The following RIN3 variants were observed in gnomAD, a reference collection of about 807,000 sequenced individuals.
RIN3 encodes the protein Ras and Rab interactor 3.
RIN3 carries 54 observed loss-of-function variants against 76.3 expected under a neutral mutation model. The observed-to-expected ratio is 0.71, with a 90% CI of 0.57 to 0.89. RIN3 has a LOEUF of 0.89. Among genes scored for constraint, RIN3 ranks in the 40% least tolerant of loss-of-function variants. The pLI, the probability that RIN3 is intolerant of heterozygous loss-of-function variation, is 0.00. For synonymous variants in RIN3, 576 were observed against 564.0 expected, an observed-to-expected ratio of 1.02 and a Z score of -0.30; for missense variants, 1,256 against 1,322.1, an observed-to-expected ratio of 0.95 and a Z score of 0.78.
chr14:92,637,662 T>A (rs2140127062), intron 4 of RIN3, among the ~76,000 whole-genome samples: 1 of 152,290 alleles, frequency 6.6e-6, no homozygotes, highest in Non-Finnish European at 1.5e-5. Context: ...TTTTAACAAA[T>A]GTTGACAATA....
intron 3 of RIN3, among the ~76,000 whole-genome samples, chr14:92,605,557 G>T (rs115821593): frequency 1.3e-5 from 2 of 152,150 alleles, no homozygotes; most frequent in African/African-American, 4.8e-5. Flanking sequence ...ATTAACAAAC[G>T]CTCACACTTC....
At chr14:92,524,232 A>G (rs990517008) in intron 1 of RIN3, among the ~76,000 whole-genome samples, 3 of 152,160 alleles carry the variant, frequency 2.0e-5, no homozygotes, top group African/African-American at 7.2e-5. Flanking sequence ...CCCGGGGCCC[A>G]GTTTCAACAA....
In RIN3 at chr14:92,534,529, A is replaced by G. The variant is rs1159001518; in HGVS notation, c.44+20553A>G. The stretch of plus-strand genomic sequence containing the variant: ...TGGGAGGCAGAGGTTGCAGTGTTGC[A>G]GTGAGCCAAGATCGTGCCACTGCAC... On this transcript the variant is annotated intron_variant, in intron 1 of 9. Transcript: ENST00000216487. 2.6e-5 allele frequency among the ~76,000 whole-genome samples: 4 copies of G among 151,456 alleles called. No homozygotes were observed. The East Asian group carries it at 7.8e-4, about 29-fold the overall frequency.
rs943981124 is a variant in RIN3, at chr14:92,546,752, G to A, written c.45-8999G>A. Among the ~76,000 whole-genome samples the A allele has an allele frequency of 3.3e-5, 5 of 152,034 alleles. No individual in the cohort carries two copies. In the East Asian group the frequency reaches 9.6e-4, roughly 29 times the overall value. On this transcript the variant is annotated intron_variant, in intron 1 of 9. Transcript: ENST00000216487. ...CCAGCCTCAGACCATTCCTCCTGCT[G>A]TAACAAGTGAGAAGCAGTTGGGGTG...
At chr14:92,544,012 C>G (rs984838001) in intron 1 of RIN3, among the ~76,000 whole-genome samples, 13 of 152,098 alleles carry the variant, frequency 8.5e-5, no homozygotes, top group African/African-American at 2.9e-4. Context: ...GTTCGTGAAG[C>G]CTCCCCACCC....
intron 6 of RIN3, among the ~76,000 whole-genome samples, chr14:92,653,492 ACT>A (rs780820789): frequency 4.0e-5 from 6 of 151,488 alleles, no homozygotes; most frequent in South Asian, 4.2e-4. Context: ...CACTGCGCTC[ACT>A]CTCTGTCTTC....
intron 1 of RIN3, among the ~76,000 whole-genome samples, chr14:92,522,766 T>C (rs1350309173): frequency 6.6e-6 from 1 of 152,158 alleles, no homozygotes; most frequent in Admixed American, 6.5e-5. Flanking sequence ...TTTTGCTGGG[T>C]GTAAGTTTTA....
chr14:92,549,679 G>A (rs1281352547), intron 1 of RIN3, among the ~76,000 whole-genome samples: 1 of 152,216 alleles, frequency 6.6e-6, no homozygotes, highest in Non-Finnish European at 1.5e-5. Flanking sequence ...TAGAAGCTGA[G>A]AGGTTGAGTC....
intron 7 of RIN3, among the ~76,000 whole-genome samples, chr14:92,667,407 C>T (rs1180902705): frequency 3.3e-5 from 5 of 151,996 alleles, no homozygotes; most frequent in Admixed American, 1.3e-4. Context: ...ATCCCAGCTA[C>T]TCAGGAGGCT....
chr14:92,531,222 G>A (rs1209957822), intron 1 of RIN3, among the ~76,000 whole-genome samples: 1 of 152,160 alleles, frequency 6.6e-6, no homozygotes, highest in Non-Finnish European at 1.5e-5. Context: ...GTGTCTGGCG[G>A]GGTCCAGTCA....
At chr14:92,622,244 G>C (rs1353785147) in intron 4 of RIN3, among the ~76,000 whole-genome samples, 1 of 152,196 alleles carries the variant, frequency 6.6e-6, no homozygotes, top group African/African-American at 2.4e-5. Context: ...GAGGTCTACA[G>C]GATCCCCCAG....
chr14:92,598,689 GAA>G (rs1247591341), intron 3 of RIN3, among the ~76,000 whole-genome samples: 1 of 152,188 alleles, frequency 6.6e-6, no homozygotes, highest in Non-Finnish European at 1.5e-5. Context: ...CTCTTGAGTT[GAA>G]AACATGTCTC....
At chr14:92,555,125 A>C (rs1204173453) in intron 1 of RIN3, among the ~76,000 whole-genome samples, 4 of 152,168 alleles carry the variant, frequency 2.6e-5, no homozygotes, top group Non-Finnish European at 5.9e-5. Context: ...GTGTAGACAT[A>C]TGTAAAAATG....
chr14:92,548,863 C>A (rs929177913), intron 1 of RIN3, among the ~76,000 whole-genome samples: 4 of 152,108 alleles, frequency 2.6e-5, no homozygotes, highest in African/African-American at 4.8e-5. Flanking sequence ...TCGGGGGACA[C>A]AATTCAACCT....
Position 92,660,682 on chromosome 14 carries a change from C to T in RIN3, c.2335+1213C>T, listed in dbSNP as rs1344463103. 2.6e-5 allele frequency among the ~76,000 whole-genome samples: 4 copies of T among 152,336 alleles called. No homozygotes were observed. In the South Asian group the frequency reaches 8.3e-4, roughly 32 times the overall value. ...ATTGACTTGTTTAGGCACAAGAGACCATCCCAGACTCAAGGAGTGAGGAAC... is the reference window on the plus strand; with the variant it reads ...ATTGACTTGTTTAGGCACAAGAGACTATCCCAGACTCAAGGAGTGAGGAAC... On this transcript the variant is annotated intron_variant, in intron 7 of 9. Transcript: ENST00000216487.
intron 5 of RIN3, among the ~76,000 whole-genome samples, chr14:92,645,906 C>T (rs1343629983): frequency 1.3e-5 from 2 of 150,906 alleles, no homozygotes; most frequent in African/African-American, 2.4e-5. Context: ...GAGCCAAGAT[C>T]GTGCCATTGC....
intron 8 of RIN3, among the ~76,000 whole-genome samples, chr14:92,684,385 C>CAA (rs35113092): frequency 0.46 from 53,589 of 115,556 alleles, 12,335 homozygotes; most frequent in Non-Finnish European, 0.53. Flanking sequence ...CAGACTTAGA[C>CAA]AAAAAAAAAA....
In RIN3 at chr14:92,641,224, T is replaced by C; in HGVS notation, c.441-14T>C. The C allele has an allele frequency of 6.2e-7, 1 of 1,600,700 alleles. No homozygotes were observed. Among genetic ancestry groups the C allele is most frequent in the Non-Finnish European group, 8.6e-7 (1 of 1,167,714 alleles). ...TGGACCCAGACATGACTTCTGCCCC[T>C]CGTGTCTTCACAGAGACTTACTGCC... On this transcript the variant is annotated splice_polypyrimidine_tract_variant and intron_variant, in intron 4 of 9. Transcript: ENST00000216487.
chr14:92,545,047 G>A (rs1337451586), intron 1 of RIN3, among the ~76,000 whole-genome samples: 1 of 151,034 alleles, frequency 6.6e-6, no homozygotes. Context: ...TCACTCATTA[G>A]GGTTGATTTT....
Sources: gnomAD v4.1 joint callset for allele counts (sites outside exome capture counted in the v4.1 genomes callset) on GRCh38, gnomAD v4.1.1 for gene constraint, MANE v1.5 for transcripts, NCBI Gene and HGNC (gene_info 2026-07-23, HGNC 2026-07-21) for gene names.